Variants in PUM3 observed in about 807,000 individuals in gnomAD.
PUM3 encodes the protein pumilio RNA binding family member 3, also known as pumilio homolog 3.
A neutral mutation model predicts 84.0 loss-of-function variants in PUM3; 91 were observed. That is an observed-to-expected ratio of 1.08 (90% CI 0.91 to 1.29). The LOEUF (loss-of-function observed/expected upper bound fraction) is 1.29, where lower values mean the gene tolerates loss of function less well. Ranked by LOEUF, PUM3 falls within the 50% of genes most tolerant of loss-of-function variation. PUM3 has a pLI of 0.00. For missense variants in PUM3, 1,067 were observed against 767.5 expected (o/e 1.39, Z -4.61); for synonymous variants, 321 against 266.7 (o/e 1.20, Z -1.98).
rs1821214425 is a variant in PUM3, at chr9:2,804,203, CA to C, written c.*127del. 1.2e-6 allele frequency: 1 copy of C among 850,102 alleles called. No homozygotes were observed. The highest frequency in any genetic ancestry group is 1.7e-6 in the Non-Finnish European group (1 of 575,304). 52.7% of individuals were successfully genotyped at this position (850,102 alleles called of 1,614,324 possible). ...CAATTTATATAAATAGATTCGTATA[CA>C]AAGAAGAAACACATATACAGAGTAC... On this transcript the variant is annotated 3_prime_UTR_variant, in exon 18 of 18. Transcript: ENST00000397885.
intron 12 of PUM3, among the ~76,000 whole-genome samples, chr9:2,820,922 T>C (rs1821576115): frequency 6.6e-6 from 1 of 152,194 alleles, no homozygotes; most frequent in Non-Finnish European, 1.5e-5. Context: ...AAAACCTGTT[T>C]CCAGAGCTTG....
In PUM3 at chr9:2,820,084, A is replaced by AT; in HGVS notation, c.1202dup (p.His401GlnfsTer9). On this transcript the variant is annotated frameshift_variant, in exon 13 of 18. Transcript: ENST00000397885. LOFTEE classifies it high-confidence loss of function. ...AATCAAATGCCGCCAGTAAAACCAA[A>AT]TGGGAGTATTGGCCCTGCAAGAATT... 1 of 1,610,796 alleles carries AT rather than the reference A, an allele frequency of 6.2e-7. No individual in the cohort carries two copies. Among genetic ancestry groups the AT allele is most frequent in the Non-Finnish European group, 8.5e-7 (1 of 1,177,356 alleles).
chr9:2,835,656 G>C (rs1363262581), intron 3 of PUM3, among the ~76,000 whole-genome samples: 2 of 152,146 alleles, frequency 1.3e-5, no homozygotes, highest in Non-Finnish European at 2.9e-5. Context: ...TACAATAGAG[G>C]ATAGGAACTG....
At chr9:2,806,425 C>T (rs568574039) in intron 17 of PUM3, among the ~76,000 whole-genome samples, 6 of 152,278 alleles carry the variant, frequency 3.9e-5, no homozygotes, top group South Asian at 2.1e-4. Flanking sequence ...TACCAGATCA[C>T]GTATATGTTG....
chr9:2,842,161 C>T (rs1586730876), intron 1 of PUM3, among the ~76,000 whole-genome samples: 1 of 152,190 alleles, frequency 6.6e-6, no homozygotes, highest in Non-Finnish European at 1.5e-5. Flanking sequence ...AACCCTGTAC[C>T]TTCGTAATGA....
chr9:2,838,480 T>A lies in PUM3; in HGVS notation c.28A>T (p.Thr10Ser). 6.2e-7 allele frequency: 1 copy of A among 1,613,658 alleles called. No homozygotes were observed. Among genetic ancestry groups the A allele is most frequent in the Non-Finnish European group, 8.5e-7 (1 of 1,179,672 alleles). The change falls in exon 2 of 18, where the codon ACA (threonine) becomes TCA (serine). Residue 10 changes from threonine to serine, a missense_variant. By Grantham distance (58) the Thr-to-Ser change is moderately conservative (BLOSUM62 1). Transcript: ENST00000397885. Reference protein sequence around the residue: MEVKGKKQFTGKSTKTAQEK... With the variant: MEVKGKKQFSGKSTKTAQEK... The stretch of plus-strand genomic sequence containing the variant: ...TGTGCTGTCTTTGTACTCTTTCCTG[T>A]GAATTGCTTTTTCCCTTTAACTTCC...
At position 2,807,893 on chromosome 9, in the gene PUM3, T is replaced by C. The variant is rs946626431; in HGVS notation, c.1735A>G (p.Lys579Glu). Residue 579 changes from lysine to glutamate, a missense_variant, in exon 17 of 18, where the codon AAA (lysine) becomes GAA (glutamate). Transcript: ENST00000397885. ...ATACCAACATGCTCTACAAGTGTTT[T>C]TGCAAAACAACCTGTAAAATATACT... is the stretch of plus-strand genomic sequence containing the variant. Reference protein sequence around the residue: ...KENGREGCFAKTLVEHVGMKN... With the variant: ...KENGREGCFAETLVEHVGMKN... The C allele has an allele frequency of 1.4e-5, 23 of 1,611,408 alleles. No individual in the cohort carries two copies. Among genetic ancestry groups the C allele is most frequent in the Non-Finnish European group, 2.0e-5 (23 of 1,178,012 alleles).
intron 3 of PUM3, 137 bp from the exon 4 acceptor site, chr9:2,834,303 C>T: frequency 1.6e-6 from 1 of 628,572 alleles, no homozygotes; most frequent in Non-Finnish European, 2.6e-6. Context: ...CATACCATCC[C>T]CCATATATAC....
intron 15 of PUM3, among the ~76,000 whole-genome samples, chr9:2,810,815 C>A (rs1197185519): frequency 6.6e-6 from 1 of 152,162 alleles, no homozygotes; most frequent in Non-Finnish European, 1.5e-5. Context: ...CATCAAAACC[C>A]AATGCTGCAT....
chr9:2,830,045 C>A lies in PUM3; in HGVS notation c.678-97G>T, dbSNP rs769268700. On this transcript the variant is annotated intron_variant, in intron 7 of 17. Transcript: ENST00000397885. ...CTTCTCCCAAGACCAACTCATCAAT[C>A]TGTGTCACTCTGAGGAGTAAATGAG... The A allele has an allele frequency of 7.7e-6, 8 of 1,035,606 alleles. No homozygotes were observed. In the Admixed American group the frequency reaches 1.6e-4, roughly 21 times the overall value. The allele number at this position is 1,035,606 out of a possible 1,614,324, so 64.2% of individuals were successfully genotyped here. A position where few individuals can be genotyped will look rare whatever the true frequency, so the allele number is the denominator to read the frequency against.
chr9:2,843,265 G>C (rs1486384113), intron 1 of PUM3, among the ~76,000 whole-genome samples: 2 of 152,000 alleles, frequency 1.3e-5, no homozygotes, highest in South Asian at 2.1e-4. Context: ...CTCCTTCCTA[G>C]CTCCCATCTC....
rs573730793 is a variant in PUM3, at chr9:2,816,345, C to T, written c.1269+3673G>A. ...AAACAGGGTGACTGTTTCCAAAAGT[C>T]TACCTTTTCAGCTGCACTAAAAAAA... On this transcript the variant is annotated intron_variant, in intron 13 of 17. Transcript: ENST00000397885. 9.1e-4 allele frequency among the ~76,000 whole-genome samples: 139 copies of T among 152,150 alleles called. 1 individual carries two copies. Among genetic ancestry groups the T allele is most frequent in the Non-Finnish European group, 1.7e-3 (114 of 68,040 alleles).
Position 2,829,878 on chromosome 9 carries a change from C to T in PUM3, c.748G>A (p.Glu250Lys). Residue 250 changes from glutamate (E) to lysine (K), a missense_variant, in exon 8 of 18, where the codon GAA becomes AAA. By Grantham distance (56) the Glu-to-Lys change is moderately conservative. Transcript: ENST00000397885. Reference sequence around the variant, plus strand: ...GCGTACTCCACGATGGCTGATGCTTCCGCATGCCGCAGCATCTTCCTCACG... The same window carrying T: ...GCGTACTCCACGATGGCTGATGCTTTCGCATGCCGCAGCATCTTCCTCACG... ...GHVRKMLRHAEASAIVEYAYN... is the reference protein window; with the variant it reads ...GHVRKMLRHAKASAIVEYAYN... The T allele has an allele frequency of 6.2e-7, 1 of 1,614,090 alleles. No individual in the cohort carries two copies. Among genetic ancestry groups the T allele is most frequent in the South Asian group, 1.1e-5 (1 of 91,080 alleles).
Position 2,811,566 on chromosome 9 carries a change from A to G in PUM3, c.1430T>C (p.Val477Ala). The change falls in exon 15 of 18, where the codon GTC becomes GCC. Residue 477 changes from valine to alanine, a missense_variant. Val to Ala is a moderately conservative substitution (Grantham distance 64, BLOSUM62 0). Transcript: ENST00000397885. ...GNAHSKKDTE[V>A]RRRELLESIS... ...GGATTCTAGGAGCTCCCGTCTGCGG[A>G]CCTCTGTATCTTTCTTACTGTTGAG... is the stretch of plus-strand genomic sequence containing the variant. 1 of 1,613,848 alleles carries G rather than the reference A, an allele frequency of 6.2e-7. No individual in the cohort carries two copies. Among genetic ancestry groups the G allele is most frequent in the Non-Finnish European group, 8.5e-7 (1 of 1,179,816 alleles).
chr9:2,831,713 C>A (rs918276863), intron 5 of PUM3, among the ~76,000 whole-genome samples: 1 of 152,134 alleles, frequency 6.6e-6, no homozygotes, highest in Non-Finnish European at 1.5e-5. Context: ...TTTAAAAGGT[C>A]TGTTACTGTA....
chr9:2,827,161 G>GAA lies in PUM3; in HGVS notation c.957-12_957-11dup. 3 of 1,567,360 alleles carry GAA rather than the reference G, an allele frequency of 1.9e-6. No homozygotes were observed. The highest frequency in any genetic ancestry group is 1.9e-5 in the Admixed American group (1 of 53,710). On this transcript the variant is annotated splice_polypyrimidine_tract_variant and intron_variant, in intron 9 of 17. Transcript: ENST00000397885. ...CTTAATCACAGCTTCCCTGAAAACAGAAAAAAAAAGCAAAAAGACACAACA... is the reference window on the plus strand; with the variant it reads ...CTTAATCACAGCTTCCCTGAAAACAGAAAAAAAAAAAGCAAAAAGACACAACA...
chr9:2,830,603 T>C (rs895589897), intron 7 of PUM3, among the ~76,000 whole-genome samples: 1 of 152,208 alleles, frequency 6.6e-6, no homozygotes, highest in African/African-American at 2.4e-5. Context: ...ATTTTTACTA[T>C]GCTACAATAC....
chr9:2,825,576 A>G (rs1815794266), intron 10 of PUM3, among the ~76,000 whole-genome samples: 2 of 151,726 alleles, frequency 1.3e-5, no homozygotes, highest in African/African-American at 4.8e-5. Context: ...TCCACCTCCC[A>G]GGTTCAAGCA....
At position 2,826,452 on chromosome 9, in the gene PUM3, A is replaced by G. The variant is rs776428181; in HGVS notation, c.1035+621T>C. On this transcript the variant is annotated intron_variant, in intron 10 of 17. Transcript: ENST00000397885. ...AGGGTCAAAACTCCAATGAATGTAT[A>G]GTCTGGCGTTATTTGTTAAGTCAGT... 6.4e-4 allele frequency among the ~76,000 whole-genome samples: 97 copies of G among 150,548 alleles called. 6 individuals carry two copies. Among genetic ancestry groups the G allele is most frequent in the Non-Finnish European group, 1.6e-4 (11 of 68,020 alleles).
Sources: gnomAD v4.1 joint callset for allele counts (sites outside exome capture counted in the v4.1 genomes callset) on GRCh38, gnomAD v4.1.1 for gene constraint, MANE v1.5 for transcripts, NCBI Gene and HGNC (gene_info 2026-07-23, HGNC 2026-07-21) for gene names.